Variants in SBF2 observed in about 807,000 individuals in gnomAD.
The protein encoded by SBF2 is SET binding factor 2, also known as myotubularin-related protein 13.
In SBF2, 112 loss-of-function variants were observed where a neutral mutation model predicts 225.2. The ratio of observed to expected loss-of-function variants is 0.50; its 90% CI spans 0.43 to 0.58. SBF2 has a LOEUF of 0.58. Among genes scored for constraint, SBF2 ranks in the 20% least tolerant of loss-of-function variants. The pLI is 0.00. For synonymous variants in SBF2, 763 were observed against 773.3 expected, an observed-to-expected ratio of 0.99 and a Z score of 0.22; for missense variants, 1,996 against 2,206.2, an observed-to-expected ratio of 0.90 and a Z score of 1.91.
chr11:10,170,724 T>C lies in SBF2; in HGVS notation c.141+23178A>G, dbSNP rs377030486. Among the ~76,000 whole-genome samples, 21 of 152,270 alleles carry C rather than the reference T, an allele frequency of 1.4e-4. 2 individuals carry two copies. The highest frequency in any genetic ancestry group is 8.5e-4 in the Admixed American group (13 of 15,292). ...TTTGACAAGGACTGCACTGAATCTA[T>C]AGATTGCTTTAGGTAGTATAAACAT... is the stretch of plus-strand genomic sequence containing the variant. On this transcript the variant is annotated intron_variant, in intron 2 of 39. Transcript: ENST00000256190.
At chr11:10,176,758 A>G (rs1354273047) in intron 2 of SBF2, among the ~76,000 whole-genome samples, 3 of 152,150 alleles carry the variant, frequency 2.0e-5, no homozygotes, top group Non-Finnish European at 4.4e-5. Flanking sequence ...ATTGTACCAG[A>G]GGTACAAGAA....
intron 2 of SBF2, among the ~76,000 whole-genome samples, chr11:10,074,392 A>C (rs1951015526): frequency 6.6e-6 from 1 of 152,228 alleles, no homozygotes; most frequent in African/African-American, 2.4e-5. Flanking sequence ...CATTTATAAG[A>C]AATGATGAAT....
At chr11:9,884,858 T>A (rs189600827) in intron 17 of SBF2, among the ~76,000 whole-genome samples, 118 of 152,274 alleles carry the variant, frequency 7.7e-4, no homozygotes, top group Non-Finnish European at 1.3e-3. Flanking sequence ...ATAACTTAAA[T>A]ATTCAATCAT....
intron 9 of SBF2, among the ~76,000 whole-genome samples, chr11:9,997,128 G>C (rs529931662): frequency 6.6e-6 from 1 of 152,148 alleles, no homozygotes; most frequent in Admixed American, 6.5e-5. Flanking sequence ...AGTTTTCTGA[G>C]AATAAAATCC....
intron 16 of SBF2, among the ~76,000 whole-genome samples, chr11:9,897,467 C>A (rs1861359043): frequency 6.6e-6 from 1 of 152,132 alleles, no homozygotes; most frequent in Non-Finnish European, 1.5e-5. Context: ...CCTGTCTCAG[C>A]CTCCCAAAGT....
intron 16 of SBF2, among the ~76,000 whole-genome samples, chr11:9,896,948 T>C (rs1861314756): frequency 6.6e-6 from 1 of 152,178 alleles, no homozygotes; most frequent in African/African-American, 2.4e-5. Context: ...GAAAACAGTA[T>C]AGCGATTCCA....
In SBF2 at chr11:9,904,888, G is replaced by A. The variant is rs1211828034; in HGVS notation, c.1861-8877C>T. Among the ~76,000 whole-genome samples, 6 of 152,254 alleles carry A rather than the reference G, an allele frequency of 3.9e-5. No individual in the cohort carries two copies. The South Asian group carries it at 1.2e-3, about 32-fold the overall frequency. ...TTATTAAAAATTAGTTGGGTGTGGT[G>A]TCATGTGCCTGTACTCCCAGATACT... On this transcript the variant is annotated intron_variant, in intron 16 of 39. Transcript: ENST00000256190.
At chr11:9,826,028 G>A (rs530879233) in intron 28 of SBF2, among the ~76,000 whole-genome samples, 35 of 152,152 alleles carry the variant, frequency 2.3e-4, no homozygotes, top group Non-Finnish European at 3.7e-4. Context: ...CAAATGTATG[G>A]ATGACAAAAG....
At chr11:10,092,960 A>G (rs2134924670) in intron 2 of SBF2, among the ~76,000 whole-genome samples, 1 of 151,912 alleles carries the variant, frequency 6.6e-6, no homozygotes, top group Middle Eastern at 3.4e-3. Context: ...AATAGAATAC[A>G]TTTACACTGT....
At chr11:10,132,496 T>G (rs1954107627) in intron 2 of SBF2, among the ~76,000 whole-genome samples, 1 of 147,788 alleles carries the variant, frequency 6.8e-6, no homozygotes, top group Non-Finnish European at 1.5e-5. Context: ...GGCTCAGGAG[T>G]GAAGCTGCAG....
At chr11:9,899,726 T>C (rs1033880505) in intron 16 of SBF2, among the ~76,000 whole-genome samples, 2 of 152,106 alleles carry the variant, frequency 1.3e-5, no homozygotes, top group African/African-American at 4.8e-5. Flanking sequence ...TGGTAGTCAA[T>C]ATGGTCCCCA....
chr11:10,021,303 A>T (rs1948848604), intron 6 of SBF2, among the ~76,000 whole-genome samples: 1 of 152,212 alleles, frequency 6.6e-6, no homozygotes, highest in South Asian at 2.1e-4. Context: ...ACGGGTATGG[A>T]TTAGATTAAA....
Position 9,808,137 on chromosome 11 carries a change from C to T in SBF2, c.4306G>A (p.Glu1436Lys), listed in dbSNP as rs1853957042. The T allele has an allele frequency of 1.9e-6, 3 of 1,614,046 alleles. No homozygotes were observed. Among genetic ancestry groups the T allele is most frequent in the Non-Finnish European group, 2.5e-6 (3 of 1,180,036 alleles). Residue 1436 changes from glutamate (E) to lysine (K), a missense_variant, in exon 32 of 40, where the codon GAA (glutamate) becomes AAA (lysine). By Grantham distance (56) the Glu-to-Lys change is moderately conservative. Transcript: ENST00000256190. ...TTTTCAACCAACATCTGGAAGCCTT[C>T]AAGTGTCCTATAAAAGGGATCACTG... ...LLSDPFYRTL[E>K]GFQMLVEKEW...
chr11:10,300,818 T>TC (rs1565451503), intron 1 of SBF2, among the ~76,000 whole-genome samples: 2 of 151,690 alleles, frequency 1.3e-5, no homozygotes, highest in Non-Finnish European at 2.9e-5. Context: ...TCTCTTTTTT[T>TC]TTTTTTTTCT....
chr11:10,293,464 A>G (rs1312924334), intron 1 of SBF2, among the ~76,000 whole-genome samples: 1 of 152,194 alleles, frequency 6.6e-6, no homozygotes, highest in East Asian at 1.9e-4. Flanking sequence ...AAGGGGTAAA[A>G]GTGCAAAGAA....
intron 32 of SBF2, among the ~76,000 whole-genome samples, chr11:9,805,850 T>C (rs182327941): frequency 4.9e-4 from 74 of 152,206 alleles, no homozygotes; most frequent in African/African-American, 1.7e-3. Flanking sequence ...TTTTGATCTC[T>C]TACCTCGTGA....
chr11:10,084,834 G>C (rs1266132968), intron 2 of SBF2, among the ~76,000 whole-genome samples: 1 of 152,178 alleles, frequency 6.6e-6, no homozygotes, highest in African/African-American at 2.4e-5. Context: ...CTCAGAAACA[G>C]AGTCAAATGC....
Position 10,042,825 on chromosome 11 carries a change from C to T in SBF2, c.279+19G>A. 6.2e-7 allele frequency: 1 copy of T among 1,613,088 alleles called. No homozygotes were observed. Among genetic ancestry groups the T allele is most frequent in the South Asian group, 1.1e-5 (1 of 91,048 alleles). The stretch of plus-strand genomic sequence containing the variant: ...TGTTGTACCTTCGACTGTACTTTAG[C>T]TAGTAAAGGTTTTTGTACCTGAAGA... On this transcript the variant is annotated intron_variant, in intron 3 of 39. Coordinates refer to ENST00000256190, the MANE Select transcript of SBF2 (RefSeq NM_030962.4).
intron 13 of SBF2, among the ~76,000 whole-genome samples, chr11:9,983,724 G>C (rs775653749): frequency 7.2e-5 from 11 of 152,196 alleles, no homozygotes; most frequent in Non-Finnish European, 1.5e-4. Context: ...ATCCACAGCT[G>C]AGAGACCCAT....
Sources: gnomAD v4.1 joint callset for allele counts (sites outside exome capture counted in the v4.1 genomes callset) on GRCh38, gnomAD v4.1.1 for gene constraint, MANE v1.5 for transcripts, NCBI Gene and HGNC (gene_info 2026-07-23, HGNC 2026-07-21) for gene names.